Variants in FAM9B observed in about 807,000 individuals in gnomAD.
FAM9B encodes the protein protein FAM9B.
In FAM9B, 18 loss-of-function variants were observed where a neutral mutation model predicts 16.6. That is an observed-to-expected ratio of 1.09 (90% CI 0.75 to 1.61). FAM9B has a LOEUF of 1.61. Ranked by LOEUF, FAM9B falls within the 40% of genes most tolerant of loss-of-function variation. FAM9B has a pLI of 0.00. For missense variants in FAM9B, 155 were observed against 136.0 expected, an observed-to-expected ratio of 1.14 and a Z score of -0.70; for synonymous variants, 43 against 42.6, an observed-to-expected ratio of 1.01 and a Z score of -0.03.
intron 1 of FAM9B, 46 bp from the exon 2 acceptor site, chrX:9,033,121 T>C (rs1296451709): frequency 8.5e-7 from 1 of 1,182,628 alleles, no homozygotes; most frequent in Non-Finnish European, 1.1e-6. Flanking sequence ...AAACCTGGCA[T>C]CGGAAAGGAA....
Position 9,032,124 on chromosome X carries a change from A to G in FAM9B, c.181+6T>C, listed in dbSNP as rs1399957241. On this transcript the variant is annotated splice_donor_region_variant and intron_variant, in intron 4 of 8. Coordinates refer to ENST00000327220, the MANE Select transcript of FAM9B (RefSeq NM_205849.3). ...TCATAAACTACAGATAACTCCTAAA[A>G]CATACCTGCAGTATCTTCTGGCTTC... 1 of 1,204,456 alleles carries G rather than the reference A, an allele frequency of 8.3e-7. No individual in the cohort carries two copies. The highest frequency in any genetic ancestry group is 1.1e-6 in the Non-Finnish European group (1 of 892,244).
Position 9,034,026 on chromosome X carries a change from G to T in FAM9B, c.-264C>A. On this transcript the variant is annotated 5_prime_UTR_variant, in exon 1 of 9. Coordinates refer to ENST00000327220, the MANE Select transcript of FAM9B (RefSeq NM_205849.3). ...CTGCACTGCAGCCTAGGCAGCAAGA[G>T]CCAGACTCCGTCCCAAAAAAAACAA... The T allele has an allele frequency of 2.8e-6, 1 of 351,721 alleles. No homozygotes were observed. Among genetic ancestry groups the T allele is most frequent in the Non-Finnish European group, 3.7e-6 (1 of 271,598 alleles). 29.0% of individuals were successfully genotyped at this position (351,721 alleles called of 1,213,427 possible).
chrX:9,026,390 A>G (rs945307191), intron 7 of FAM9B, among the ~76,000 whole-genome samples: 1 of 111,318 alleles, frequency 9.0e-6, no homozygotes. Context: ...GAAAGACAGA[A>G]GGCGGCAAAA....
intron 7 of FAM9B, among the ~76,000 whole-genome samples, chrX:9,026,749 TC>T (rs1199420060): frequency 9.0e-6 from 1 of 110,858 alleles, no homozygotes; most frequent in Non-Finnish European, 1.9e-5. Flanking sequence ...ATAGCAAAGT[TC>T]CTAACCTAAG....
intron 1 of FAM9B, 146 bp from the exon 2 acceptor site, chrX:9,033,221 T>A: frequency 8.9e-7 from 1 of 1,118,757 alleles, no homozygotes; most frequent in South Asian, 2.2e-5. Context: ...GATGCCAGTG[T>A]CCCCTCCTGT....
chrX:9,025,676 A>C, intron 7 of FAM9B, 93 bp from the exon 8 acceptor site: 1 of 667,282 alleles, frequency 1.5e-6, no homozygotes, highest in Non-Finnish European at 2.3e-6. Flanking sequence ...AACAGCTTTT[A>C]ATATTCAAAG....
rs1436158820 is a variant in FAM9B, at chrX:9,025,595, A to C, written c.493-12T>G. ...AAGTCCTCAAGAGCCTAAAAGAAAA[A>C]GTCTAGTTCACTGACAAACCACCAC... On this transcript the variant is annotated splice_polypyrimidine_tract_variant and intron_variant, in intron 7 of 8. Transcript: ENST00000327220. 8.4e-7 allele frequency: 1 copy of C among 1,187,907 alleles called. No homozygotes were observed. Among genetic ancestry groups the C allele is most frequent in the Non-Finnish European group, 1.1e-6 (1 of 880,061 alleles).
At chrX:9,031,828 G>T (rs1403347178) in intron 4 of FAM9B, 1 of 258,714 alleles carries the variant, frequency 3.9e-6, no homozygotes, top group Admixed American at 5.9e-5. Flanking sequence ...TAAAAGGAAC[G>T]AATAGAGCTG....
Position 9,030,258 on chromosome X carries a change from T to C in FAM9B, c.281+3A>G, listed in dbSNP as rs763897345. 3 of 1,192,265 alleles carry C rather than the reference T, an allele frequency of 2.5e-6. No homozygotes were observed. The highest frequency in any genetic ancestry group is 6.0e-5 in the East Asian group (2 of 33,497). ...CATTATGCAAAAAAGCCAACAGTCA[T>C]ACCTTTTAAGTTGCTTTTTTCTCAA... On this transcript the variant is annotated splice_donor_region_variant and intron_variant, in intron 5 of 8. Transcript: ENST00000327220.
At chrX:9,031,117 T>A (rs1921062168) in intron 4 of FAM9B, 1 of 111,683 alleles carries the variant, frequency 9.0e-6, no homozygotes, top group South Asian at 3.7e-4. Context: ...ATGCAAATAT[T>A]TTTTACATAC....
rs1243753910 is a variant in FAM9B at position 9,033,721 on chromosome X, C to T, written c.-90+131G>A. On this transcript the variant is annotated intron_variant, in intron 1 of 8. Coordinates refer to ENST00000327220, the MANE Select transcript of FAM9B (RefSeq NM_205849.3). ...CCCTAGCCCACCCTCAGGGCCTCGC[C>T]CTGACCCAGGCCCCAGGCGACGACG... The T allele has an allele frequency of 6.8e-6, 5 of 737,673 alleles. No individual in the cohort carries two copies. In the African/African-American group the frequency reaches 1.3e-4, roughly 19 times the overall value. The allele number at this position is 737,673 out of a possible 1,213,427, so 60.8% of individuals were successfully genotyped here.
At chrX:9,029,244 G>A (rs751932982) in intron 6 of FAM9B, 63 bp downstream of exon 6, 18 of 926,559 alleles carry the variant, frequency 1.9e-5, no homozygotes, top group Middle Eastern at 2.7e-4. Flanking sequence ...ATTTCTGCAT[G>A]AACTATTACT....
chrX:9,030,928 A>T (rs1415923115), intron 4 of FAM9B: 1 of 112,142 alleles, frequency 8.9e-6, no homozygotes, highest in Non-Finnish European at 1.9e-5. Flanking sequence ...AAAGAAATAC[A>T]TTCAAAAACA....
Position 9,033,010 on chromosome X carries a change from T to A in FAM9B, c.-24A>T. The A allele has an allele frequency of 8.3e-7, 1 of 1,212,041 alleles. No individual in the cohort carries two copies. The highest frequency in any genetic ancestry group is 3.0e-5 in the East Asian group (1 of 33,819). On this transcript the variant is annotated 5_prime_UTR_variant, in exon 2 of 9. Transcript: ENST00000327220. ...ATAAATTGAGCCTCCAACTGGGCCT[T>A]GGCAGCCCTCCTGCCCACAGGATCC... is the stretch of plus-strand genomic sequence containing the variant.
intron 7 of FAM9B, 80 bp from the exon 8 acceptor site, chrX:9,025,663 G>A: frequency 2.7e-6 from 2 of 752,722 alleles, no homozygotes; most frequent in East Asian, 3.3e-5. Flanking sequence ...AATGTCAAAA[G>A]GAAACAGCTT....
At chrX:9,030,691 A>G (rs1371613227) in intron 4 of FAM9B, 4 of 141,209 alleles carry the variant, frequency 2.8e-5, no homozygotes, top group Non-Finnish European at 5.5e-5. Flanking sequence ...TAATTTCTAC[A>G]TTTATAAAAT....
At chrX:9,027,825 G>T in intron 7 of FAM9B, 43 bp downstream of exon 7, 1 of 1,005,229 alleles carries the variant, frequency 9.9e-7, no homozygotes, top group Non-Finnish European at 1.4e-6. Flanking sequence ...TATTATGCAC[G>T]TGTTGTATTT....
In FAM9B at chrX:9,030,307, T is replaced by C. The variant is rs1467415996; in HGVS notation, c.235A>G (p.Thr79Ala). ...AAAGCATGTTTACTTTTGTTCTTTG[T>C]TTTGCTGCAAGTTTTATCCATTTTC... Reference protein sequence around the residue: ...RMKMDKTCSKTKNKSKHALRK... With the variant: ...RMKMDKTCSKAKNKSKHALRK... Residue 79 changes from threonine (T) to alanine (A), a missense_variant, in exon 5 of 9, where the codon ACA (threonine) becomes GCA (alanine). Physicochemically the swap from Thr to Ala is moderately conservative, Grantham distance 58. Coordinates refer to ENST00000327220, the MANE Select transcript of FAM9B (RefSeq NM_205849.3). 2 of 1,206,187 alleles carry C rather than the reference T, an allele frequency of 1.7e-6. No homozygotes were observed. Among genetic ancestry groups the C allele is most frequent in the Non-Finnish European group, 2.2e-6 (2 of 892,512 alleles).
At chrX:9,028,085 T>G in intron 6 of FAM9B, 119 bp from the exon 7 acceptor site, 1 of 485,429 alleles carries the variant, frequency 2.1e-6, no homozygotes, top group South Asian at 3.4e-5. Context: ...ACACTTTCTT[T>G]TAGACAACAT....
Sources: gnomAD v4.1 joint callset for allele counts (sites outside exome capture counted in the v4.1 genomes callset) on GRCh38, gnomAD v4.1.1 for gene constraint, MANE v1.5 for transcripts, NCBI Gene and HGNC (gene_info 2026-07-23, HGNC 2026-07-21) for gene names.